Variants in ROBO2 observed in about 807,000 individuals in gnomAD.
ROBO2 encodes the protein roundabout guidance receptor 2.
In ROBO2, 53 loss-of-function variants were observed where a neutral mutation model predicts 160.8. The observed-to-expected ratio is 0.33, with a 90% CI of 0.26 to 0.41. The LOEUF is 0.41. ROBO2 is among the 10% of genes least tolerant of loss of function. ROBO2 has a pLI of 1.00. For synonymous variants in ROBO2, 664 were observed against 611.7 expected (o/e 1.09, Z -1.26); for missense variants, 1,577 against 1,722.4 (o/e 0.92, Z 1.49).
intron 2 of ROBO2, among the ~76,000 whole-genome samples, chr3:76,329,364 T>TG (rs1394274670): frequency 6.6e-6 from 1 of 152,126 alleles, no homozygotes; most frequent in Admixed American, 6.5e-5. Flanking sequence ...ATTGCAGGTG[T>TG]GGACCACCAC....
At chr3:77,462,284 G>A (rs780083131) in intron 2 of ROBO2, among the ~76,000 whole-genome samples, 1 of 152,044 alleles carries the variant, frequency 6.6e-6, no homozygotes, top group Non-Finnish European at 1.5e-5. Flanking sequence ...CATCGAATTC[G>A]TCTTTATGTC....
chr3:76,688,751 T>C (rs908943559), intron 2 of ROBO2, among the ~76,000 whole-genome samples: 1 of 152,058 alleles, frequency 6.6e-6, no homozygotes, highest in African/African-American at 2.4e-5. Context: ...ATCATCTTTC[T>C]CATTGATTAT....
At chr3:76,087,438 G>T (rs917327044) in intron 2 of ROBO2, among the ~76,000 whole-genome samples, 2 of 151,782 alleles carry the variant, frequency 1.3e-5, no homozygotes, top group Admixed American at 6.6e-5. Flanking sequence ...TCCTCCAAAA[G>T]TGAAAGAGAA....
At chr3:77,494,170 G>T (rs1019072020) in intron 5 of ROBO2, among the ~76,000 whole-genome samples, 6 of 152,130 alleles carry the variant, frequency 3.9e-5, no homozygotes, top group African/African-American at 1.2e-4. Context: ...TTTAAGATTT[G>T]TTATGCCTTC....
chr3:76,724,256 T>C (rs912008446), intron 2 of ROBO2, among the ~76,000 whole-genome samples: 2 of 152,094 alleles, frequency 1.3e-5, no homozygotes, highest in African/African-American at 4.8e-5. Flanking sequence ...CTGGACCCCC[T>C]TAGGCCAAGA....
intron 2 of ROBO2, among the ~76,000 whole-genome samples, chr3:76,890,215 A>G (rs536947102): frequency 9.2e-4 from 115 of 124,888 alleles, no homozygotes; most frequent in South Asian, 2.8e-3. Flanking sequence ...TAAGAAATTT[A>G]CATATCGTAT....
At chr3:76,677,165 A>G (rs2092431959) in intron 2 of ROBO2, among the ~76,000 whole-genome samples, 1 of 152,042 alleles carries the variant, frequency 6.6e-6, no homozygotes, top group Admixed American at 6.5e-5. Context: ...ATCACTATGT[A>G]CCCAAACAGT....
chr3:77,558,383 C>T (rs2093202679), intron 9 of ROBO2, among the ~76,000 whole-genome samples: 1 of 152,032 alleles, frequency 6.6e-6, no homozygotes, highest in Admixed American at 6.6e-5. Context: ...TCCTGTATCC[C>T]ATTCCATATG....
chr3:76,710,235 C>T (rs561968153), intron 2 of ROBO2, among the ~76,000 whole-genome samples: 5 of 152,178 alleles, frequency 3.3e-5, no homozygotes, highest in African/African-American at 1.2e-4. Flanking sequence ...ATTCTCCTGC[C>T]TCAGCCTCCC....
chr3:75,935,237 A>G (rs1292429270), intron 1 of ROBO2, among the ~76,000 whole-genome samples: 1 of 152,202 alleles, frequency 6.6e-6, no homozygotes, highest in Non-Finnish European at 1.5e-5. Flanking sequence ...TGAAGAAATC[A>G]AAAAACACAA....
At chr3:76,515,090 C>T (rs1342392185) in intron 2 of ROBO2, among the ~76,000 whole-genome samples, 1 of 152,172 alleles carries the variant, frequency 6.6e-6, no homozygotes, top group Admixed American at 6.5e-5. Context: ...TTCTGTTCTA[C>T]AATAATAAAC....
At chr3:76,425,735 G>T (rs1042403381) in intron 2 of ROBO2, among the ~76,000 whole-genome samples, 1 of 151,804 alleles carries the variant, frequency 6.6e-6, no homozygotes, top group Non-Finnish European at 1.5e-5. Context: ...CAAAGCCAAA[G>T]CTCGGTGCCT....
At chr3:76,194,624 ATT>A (rs746844898) in intron 2 of ROBO2, among the ~76,000 whole-genome samples, 7 of 141,154 alleles carry the variant, frequency 5.0e-5, no homozygotes, top group Non-Finnish European at 4.7e-5. Context: ...CTTTAATGTG[ATT>A]TTTTTTTTTT....
chr3:76,750,491 A>G (rs1299884206), intron 2 of ROBO2, among the ~76,000 whole-genome samples: 1 of 152,132 alleles, frequency 6.6e-6, no homozygotes, highest in African/African-American at 2.4e-5. Flanking sequence ...CAATTAGGAA[A>G]AGAGGAAGTC....
At chr3:76,572,118 A>T (rs2084991625) in intron 2 of ROBO2, among the ~76,000 whole-genome samples, 1 of 152,190 alleles carries the variant, frequency 6.6e-6, no homozygotes, top group South Asian at 2.1e-4. Context: ...TATGTGTCAA[A>T]GACTGCCATA....
chr3:76,823,325 CA>C (rs1053752240), intron 2 of ROBO2, among the ~76,000 whole-genome samples: 2 of 152,054 alleles, frequency 1.3e-5, no homozygotes, highest in Non-Finnish European at 1.5e-5. Flanking sequence ...GAGAAGAATT[CA>C]AAACAGCAAA....
intron 2 of ROBO2, among the ~76,000 whole-genome samples, chr3:76,575,134 A>T (rs561083874): frequency 5.3e-5 from 8 of 152,240 alleles, no homozygotes; most frequent in South Asian, 4.1e-4. Flanking sequence ...TTGCTAAGTT[A>T]CACAGGCTGG....
chr3:76,057,578 G>T (rs549251253), intron 2 of ROBO2, among the ~76,000 whole-genome samples: 7 of 152,280 alleles, frequency 4.6e-5, no homozygotes, highest in African/African-American at 1.7e-4. Flanking sequence ...AGGGTGACAT[G>T]TAGATGGAAC....
intron 2 of ROBO2, among the ~76,000 whole-genome samples, chr3:76,376,963 A>G (rs939144747): frequency 1.3e-5 from 2 of 152,140 alleles, no homozygotes; most frequent in African/African-American, 4.8e-5. Context: ...GCTAAAGGTC[A>G]AAACTTTTTC....
Sources: gnomAD v4.1 joint callset for allele counts (sites outside exome capture counted in the v4.1 genomes callset) on GRCh38, gnomAD v4.1.1 for gene constraint, MANE v1.5 for transcripts, NCBI Gene and HGNC (gene_info 2026-07-23, HGNC 2026-07-21) for gene names.